Variants in CPT1A observed in about 807,000 individuals in gnomAD.
CPT1A encodes carnitine palmitoyltransferase 1A, also known as carnitine O-palmitoyltransferase 1, liver isoform.
CPT1A carries 64 observed loss-of-function variants against 100.8 expected under a neutral mutation model. The observed-to-expected ratio is 0.63, with a 90% CI of 0.52 to 0.78. CPT1A has a LOEUF of 0.78. Ranked by LOEUF, CPT1A falls within the 30% of genes least tolerant of loss-of-function variation. The pLI is 0.00. For missense variants in CPT1A, 802 were observed against 1,034.1 expected (o/e 0.78, Z 3.08); for synonymous variants, 363 against 396.0 (o/e 0.92, Z 0.99).
chr11:68,794,904 A>T lies in CPT1A; in HGVS notation c.779T>A (p.Leu260Gln). 2 of 1,614,042 alleles carry T rather than the reference A, an allele frequency of 1.2e-6. No homozygotes were observed. Among genetic ancestry groups the T allele is most frequent in the Non-Finnish European group, 1.7e-6 (2 of 1,179,846 alleles). ...VNSNYYAMDL[L>Q]YILPTHIQAA... Reference sequence around the variant, plus strand: ...CTGAATGTGAGTTGGAAGGATATACAGCAGATCCTGAAAAGCGACAAAGGT... The same window carrying T: ...CTGAATGTGAGTTGGAAGGATATACTGCAGATCCTGAAAAGCGACAAAGGT... The change falls in exon 8 of 19, where the codon CTG becomes CAG. Residue 260 changes from leucine (L) to glutamine (Q), a missense_variant. This residue lies in a region of CPT1A where 627 missense variants were observed against 799.3 expected (regional missense o/e 0.78). Transcript: ENST00000265641.
chr11:68,833,686 G>A (rs1288410732), intron 1 of CPT1A, among the ~76,000 whole-genome samples: 3 of 151,742 alleles, frequency 2.0e-5, no homozygotes, highest in African/African-American at 7.3e-5. Flanking sequence ...GTGAGCCAAG[G>A]TCCCACCACC....
chr11:68,764,737 A>G (rs1333347497), intron 14 of CPT1A, among the ~76,000 whole-genome samples: 1 of 152,246 alleles, frequency 6.6e-6, no homozygotes, highest in Non-Finnish European at 1.5e-5. Flanking sequence ...GAAAGGCAGA[A>G]GGAAGCGTCC....
chr11:68,789,553 C>T (rs552305867), intron 9 of CPT1A, among the ~76,000 whole-genome samples: 11 of 152,164 alleles, frequency 7.2e-5, no homozygotes, highest in Middle Eastern at 3.4e-3. Context: ...TCTGCTATCA[C>T]GCCTGGTTAA....
At chr11:68,778,822 T>G (rs1289365558) in intron 12 of CPT1A, among the ~76,000 whole-genome samples, 2 of 151,710 alleles carry the variant, frequency 1.3e-5, no homozygotes, top group African/African-American at 4.8e-5. Flanking sequence ...GTCTCACTCT[T>G]TCGTCCAGGC....
chr11:68,794,567 C>A (rs952589758), intron 8 of CPT1A, among the ~76,000 whole-genome samples: 1 of 152,172 alleles, frequency 6.6e-6, no homozygotes, highest in Admixed American at 6.5e-5. Context: ...CGTGCCAGCA[C>A]GCCCAGCTAA....
intron 12 of CPT1A, among the ~76,000 whole-genome samples, chr11:68,776,655 G>A (rs1855149110): frequency 2.0e-5 from 3 of 152,256 alleles, no homozygotes; most frequent in Admixed American, 2.0e-4. Context: ...AAGGCGGGTA[G>A]ATCACTTTAG....
At chr11:68,823,082 T>C (rs1856628918) in intron 1 of CPT1A, among the ~76,000 whole-genome samples, 1 of 152,010 alleles carries the variant, frequency 6.6e-6, no homozygotes, top group Admixed American at 6.6e-5. Flanking sequence ...AAACCCTGTC[T>C]CTGCAAAAAC....
At position 68,757,378 on chromosome 11, in the gene CPT1A, C is replaced by G. The variant is rs184270519; in HGVS notation, c.*266G>C. ...CATTAACTCAACAAGATTTGCATCC[C>G]TTAATAAATCCAAGCCGATGCGGAG... On this transcript the variant is annotated 3_prime_UTR_variant, in exon 19 of 19. Coordinates refer to ENST00000265641, the MANE Select transcript of CPT1A (RefSeq NM_001876.4). 162 of 1,339,662 alleles carry G rather than the reference C, an allele frequency of 1.2e-4. 1 individual carries two copies. In the East Asian group the frequency reaches 3.6e-3, roughly 29 times the overall value. The allele number at this position is 1,339,662 out of a possible 1,614,324, so 83.0% of individuals were successfully genotyped here. A position where few individuals can be genotyped will look rare whatever the true frequency, so the allele number is the denominator to read the frequency against.
intron 4 of CPT1A, among the ~76,000 whole-genome samples, chr11:68,805,215 C>T (rs1023970852): frequency 1.3e-5 from 2 of 152,122 alleles, no homozygotes. Context: ...CTTTGGGAGG[C>T]CGAGGAGGGT....
chr11:68,799,326 C>G lies in CPT1A; in HGVS notation c.585G>C (p.Lys195Asn). Residue 195 changes from lysine to asparagine, a missense_variant, in exon 6 of 19, where the codon AAG (lysine) becomes AAC (asparagine). Coordinates refer to ENST00000265641, the MANE Select transcript of CPT1A (RefSeq NM_001876.4). ...RYLQSVRPLM[K>N]EEDFKRMTAL... ...CTGTCATCCGTTTGAAGTCTTCTTCCTTCATAAGAGGCCTCACCGACTGTA... is the reference window on the plus strand; with the variant it reads ...CTGTCATCCGTTTGAAGTCTTCTTCGTTCATAAGAGGCCTCACCGACTGTA... 5.6e-6 allele frequency: 9 copies of G among 1,613,972 alleles called. No homozygotes were observed. The highest frequency in any genetic ancestry group is 7.6e-6 in the Non-Finnish European group (9 of 1,179,944).
chr11:68,775,087 C>T (rs190149632), intron 13 of CPT1A, among the ~76,000 whole-genome samples: 351 of 152,192 alleles, frequency 2.3e-3, no homozygotes, highest in Middle Eastern at 6.8e-3. Flanking sequence ...ACAGTCTTAG[C>T]CAGGAGCTTC....
chr11:68,797,728 A>G (rs1855790131), intron 6 of CPT1A, among the ~76,000 whole-genome samples: 1 of 152,236 alleles, frequency 6.6e-6, no homozygotes, highest in Non-Finnish European at 1.5e-5. Context: ...CTGTCATCCC[A>G]GCACTTTGGG....
chr11:68,773,227 A>C, intron 14 of CPT1A, 38 bp downstream of exon 14: 1 of 1,612,076 alleles, frequency 6.2e-7, no homozygotes, highest in Non-Finnish European at 8.5e-7. Flanking sequence ...GGAACCCCCA[A>C]AGTGCTCACG....
upstream of CPT1A, chr11:68,844,100 G>A (rs2154003511): frequency 6.6e-6 from 1 of 152,434 alleles, no homozygotes; most frequent in South Asian, 2.1e-4. Context: ...GGGCGGGGCA[G>A]GGACAGGGAC....
chr11:68,760,025 A>G (rs7944039), intron 17 of CPT1A, among the ~76,000 whole-genome samples, 200 bp downstream of exon 17: 2 of 152,152 alleles, frequency 1.3e-5, no homozygotes, highest in African/African-American at 4.8e-5. Flanking sequence ...TGGGTGACAG[A>G]GCGAGACCTT....
intron 9 of CPT1A, among the ~76,000 whole-genome samples, chr11:68,790,559 C>A (rs1401500295): frequency 6.6e-6 from 1 of 152,158 alleles, no homozygotes; most frequent in Non-Finnish European, 1.5e-5. Flanking sequence ...TGGACCCCCC[C>A]AGAAGCTGGA....
chr11:68,779,026 C>T (rs1855223535), intron 12 of CPT1A, among the ~76,000 whole-genome samples: 1 of 152,148 alleles, frequency 6.6e-6, no homozygotes, highest in African/African-American at 2.4e-5. Flanking sequence ...CCTCGTGATC[C>T]GCCTGCCTCG....
chr11:68,772,815 C>A (rs1053768392), intron 14 of CPT1A, among the ~76,000 whole-genome samples: 7 of 151,886 alleles, frequency 4.6e-5, no homozygotes, highest in Admixed American at 2.0e-4. Context: ...ATTTTGTTCC[C>A]AAGCAGAGAG....
intron 3 of CPT1A, among the ~76,000 whole-genome samples, chr11:68,810,959 T>C (rs972268790): frequency 2.6e-5 from 4 of 152,174 alleles, no homozygotes; most frequent in African/African-American, 7.2e-5. Flanking sequence ...CACTCCAGCC[T>C]GGGCAACGGA....
Sources: allele counts gnomAD v4.1 joint callset (sites outside exome capture counted in the v4.1 genomes callset), GRCh38; gene constraint gnomAD v4.1.1; regional missense constraint gnomAD v4.1.1; transcripts MANE v1.5; gene names NCBI Gene and HGNC (gene_info 2026-07-23, HGNC 2026-07-21).